The following SHANK2 variants were observed in gnomAD, a reference collection of about 807,000 sequenced individuals.
SHANK2 encodes SH3 and multiple ankyrin repeat domains 2.
In SHANK2, 43 loss-of-function variants were observed where a neutral mutation model predicts 133.7. That is an observed-to-expected ratio of 0.32 (90% confidence interval 0.25 to 0.41). The LOEUF is 0.41. Among genes scored for constraint, SHANK2 ranks in the 10% least tolerant of loss-of-function variants. SHANK2 has a pLI of 1.00. For missense variants in SHANK2, 1,994 were observed against 2,235.8 expected (o/e 0.89, Z 2.18); for synonymous variants, 1,017 against 952.8 (o/e 1.07, Z -1.24).
intron 9 of SHANK2, among the ~76,000 whole-genome samples, chr11:71,062,352 G>T (rs1321402057): frequency 2.6e-5 from 4 of 152,242 alleles, no homozygotes; most frequent in African/African-American, 9.6e-5. Flanking sequence ...GAGGCGGAGA[G>T]ACCACAGGGC....
intron 10 of SHANK2, among the ~76,000 whole-genome samples, chr11:70,928,377 G>C (rs1761580936): frequency 6.6e-6 from 1 of 152,142 alleles, no homozygotes; most frequent in Admixed American, 6.6e-5. Flanking sequence ...GGCAGAACAG[G>C]CTCTTGTGGC....
intron 3 of SHANK2, among the ~76,000 whole-genome samples, chr11:71,126,076 G>GGT (rs1440746599): frequency 6.6e-6 from 1 of 151,864 alleles, no homozygotes; most frequent in Non-Finnish European, 1.5e-5. Context: ...AAATTAGCTG[G>GGT]GTGTGGTGGC....
intron 10 of SHANK2, among the ~76,000 whole-genome samples, chr11:70,933,639 G>T (rs565013730): frequency 1.3e-5 from 2 of 152,156 alleles, no homozygotes; most frequent in African/African-American, 4.8e-5. Context: ...GCAACAACAG[G>T]CTGGGTGTGG....
intron 2 of SHANK2, among the ~76,000 whole-genome samples, chr11:71,159,890 G>A (rs1317115602): frequency 1.3e-5 from 2 of 151,750 alleles, no homozygotes; most frequent in Admixed American, 1.3e-4. Context: ...GGGAGGCTGA[G>A]GCAGGAGAAT....
chr11:71,164,712 T>A (rs1251780093), intron 2 of SHANK2, among the ~76,000 whole-genome samples: 3 of 152,224 alleles, frequency 2.0e-5, no homozygotes, highest in African/African-American at 7.2e-5. Context: ...GATGTTCTTG[T>A]ACACTAAACA....
At chr11:70,664,418 C>T (rs547855123) in intron 15 of SHANK2, among the ~76,000 whole-genome samples, 1 of 152,222 alleles carries the variant, frequency 6.6e-6, no homozygotes, top group African/African-American at 2.4e-5. Flanking sequence ...CTCTGCTCAA[C>T]CCTGCTGTGC....
In SHANK2 at chr11:70,501,938, A is replaced by G. The variant is rs782064999; in HGVS notation, c.2279-7T>C. ...GGCTGCTTACCTTTATCCACTAGTG[A>G]GAGGCCCAAAAATTCAAAACAAAAC... On this transcript the variant is annotated splice_region_variant and splice_polypyrimidine_tract_variant and intron_variant, in intron 19 of 25. Coordinates refer to ENST00000601538, the MANE Select transcript of SHANK2 (RefSeq NM_012309.5). 1.3e-6 allele frequency: 2 copies of G among 1,558,736 alleles called. No individual in the cohort carries two copies. The highest frequency in any genetic ancestry group is 1.7e-6 in the Non-Finnish European group (2 of 1,150,588).
chr11:70,552,042 T>C (rs935105028), intron 17 of SHANK2, among the ~76,000 whole-genome samples: 2 of 152,152 alleles, frequency 1.3e-5, no homozygotes, highest in East Asian at 3.9e-4. Flanking sequence ...GAAACTTAAA[T>C]GCGATGAGTA....
At chr11:71,153,420 C>T (rs1431054743) in intron 2 of SHANK2, among the ~76,000 whole-genome samples, 27 of 152,190 alleles carry the variant, frequency 1.8e-4, no homozygotes, top group Admixed American at 1.4e-3. Context: ...ACAGTCAAAG[C>T]AAGTTCAACA....
intron 12 of SHANK2, among the ~76,000 whole-genome samples, chr11:70,816,847 C>A (rs1319509827): frequency 6.6e-6 from 1 of 152,238 alleles, no homozygotes; most frequent in African/African-American, 2.4e-5. Flanking sequence ...GCCAGGCCCC[C>A]CTCCCCTGGC....
intron 4 of SHANK2, among the ~76,000 whole-genome samples, chr11:71,115,206 C>T (rs1555100107): frequency 2.0e-5 from 3 of 152,116 alleles, no homozygotes; most frequent in South Asian, 2.1e-4. Flanking sequence ...TGGTGGCTCA[C>T]GCCTGTAATC....
chr11:70,716,157 CCA>C (rs1311986832), intron 14 of SHANK2, among the ~76,000 whole-genome samples: 7 of 152,208 alleles, frequency 4.6e-5, no homozygotes, highest in African/African-American at 4.8e-5. Context: ...CTTTCCCCGG[CCA>C]ATCAGAGCAC....
chr11:70,693,989 A>T (rs567131165), intron 15 of SHANK2, among the ~76,000 whole-genome samples: 1 of 152,148 alleles, frequency 6.6e-6, no homozygotes, highest in African/African-American at 2.4e-5. Context: ...GGCGGGAAGG[A>T]TGGATGTATA....
chr11:70,924,503 T>C (rs951131079), intron 10 of SHANK2, among the ~76,000 whole-genome samples: 20 of 152,234 alleles, frequency 1.3e-4, no homozygotes, highest in East Asian at 1.9e-4. Context: ...GTCACCCTGG[T>C]TGGAGTGCAG....
At chr11:70,685,130 C>G (rs1945116568) in intron 15 of SHANK2, among the ~76,000 whole-genome samples, 2 of 152,120 alleles carry the variant, frequency 1.3e-5, no homozygotes, top group South Asian at 4.1e-4. Flanking sequence ...GCCTTCCCAT[C>G]TGACAGTCCC....
At chr11:70,746,773 C>T (rs942075239) in intron 14 of SHANK2, among the ~76,000 whole-genome samples, 14 of 151,770 alleles carry the variant, frequency 9.2e-5, no homozygotes, top group African/African-American at 1.7e-4. Context: ...GCATGTCACA[C>T]GACCTCCCAC....
chr11:70,755,631 C>A (rs533720081), intron 14 of SHANK2, among the ~76,000 whole-genome samples: 6 of 152,312 alleles, frequency 3.9e-5, no homozygotes, highest in Non-Finnish European at 8.8e-5. Flanking sequence ...CTCCTGGCAA[C>A]CGGCCTTTCT....
At chr11:70,640,496 G>C (rs1555005927) in intron 17 of SHANK2, among the ~76,000 whole-genome samples, 1 of 152,246 alleles carries the variant, frequency 6.6e-6, no homozygotes, top group Non-Finnish European at 1.5e-5. Flanking sequence ...CACTGTGAGT[G>C]AACGCATCGC....
intron 11 of SHANK2, among the ~76,000 whole-genome samples, chr11:70,881,469 C>A (rs993413651): frequency 6.6e-6 from 1 of 151,534 alleles, no homozygotes; most frequent in Non-Finnish European, 1.5e-5. Flanking sequence ...AATTCCTGCA[C>A]TTTGTGAGAC....
Sources: gnomAD v4.1 joint callset for allele counts (sites outside exome capture counted in the v4.1 genomes callset) on GRCh38, gnomAD v4.1.1 for gene constraint, MANE v1.5 for transcripts, NCBI Gene and HGNC (gene_info 2026-07-23, HGNC 2026-07-21) for gene names.